The following CYREN variants were observed in gnomAD, a reference collection of about 807,000 sequenced individuals.
The protein encoded by CYREN is cell cycle regulator of non-homologous end joining.
CYREN carries 7 observed loss-of-function variants against 9.7 expected under a neutral mutation model. That is an observed-to-expected ratio of 0.72 (90% CI 0.41 to 1.36). The LOEUF is 1.36. Ranked by LOEUF, CYREN falls within the 40% of genes most tolerant of loss-of-function variation. The probability of loss-of-function intolerance (pLI) is 0.01; values close to 1 mark genes in which losing one functional copy is unlikely to be tolerated. For missense variants in CYREN, 215 were observed against 198.1 expected, an observed-to-expected ratio of 1.09 and a Z score of -0.51; for synonymous variants, 76 against 77.9, an observed-to-expected ratio of 0.98 and a Z score of 0.13.
At chr7:135,167,250 C>G (rs1830228653) in intron 3 of CYREN, 1 of 1,087,268 alleles carries the variant, frequency 9.2e-7, no homozygotes, top group African/African-American at 1.6e-5. Context: ...TATTGCAAGG[C>G]TAAAATGACA....
At chr7:135,150,035 T>G (rs1489708579) in intron 2 of CYREN, among the ~76,000 whole-genome samples, 1 of 152,200 alleles carries the variant, frequency 6.6e-6, no homozygotes, top group African/African-American at 2.4e-5. Flanking sequence ...TGCTCTTAAG[T>G]TCCAAATTTT....
intron 2 of CYREN, among the ~76,000 whole-genome samples, chr7:135,099,059 C>A (rs966881422): frequency 6.6e-6 from 1 of 152,088 alleles, no homozygotes; most frequent in Non-Finnish European, 1.5e-5. Flanking sequence ...CTGTATGTAA[C>A]AGCAAAGTAA....
intron 2 of CYREN, among the ~76,000 whole-genome samples, chr7:135,126,291 G>A (rs933262314): frequency 2.0e-5 from 3 of 152,014 alleles, no homozygotes; most frequent in South Asian, 2.1e-4. Context: ...TCCCATTCAC[G>A]ATTGCTACAA....
chr7:135,166,845 C>T lies in CYREN; in HGVS notation c.240G>A (p.Glu80=), dbSNP rs143472003. The change falls in exon 4 of 4, where the codon GAG becomes GAA. Residue 80 remains glutamate (E), a synonymous_variant. Coordinates refer to ENST00000393114, the MANE Select transcript of CYREN (RefSeq NM_024033.4). ...IESRKQEKAC[E]QPALAGADNP... is the part of the protein sequence containing the mutation. ...TATCAGCCCCCGCCAGGGCCGGCTG[C>T]TCGCAGGCCTTTTCCTGTTTGCGGC... 6.2e-7 allele frequency: 1 copy of T among 1,614,002 alleles called. No homozygotes were observed. The highest frequency in any genetic ancestry group is 8.5e-7 in the Non-Finnish European group (1 of 1,179,874).
chr7:135,166,789 G>A lies in CYREN; in HGVS notation c.296C>T (p.Ser99Leu), dbSNP rs139566611. 206 of 1,614,022 alleles carry A rather than the reference G, an allele frequency of 1.3e-4. No homozygotes were observed. The highest frequency in any genetic ancestry group is 1.5e-4 in the Admixed American group (9 of 60,006). ...NPEHSPPCSV[S>L]PHTSSGSSSE... ...GCTGCTCCCAGAACTTGTGTGAGGCGACACGGAGCAGGGAGGGGAGTGCTC... is the reference window on the plus strand; with the variant it reads ...GCTGCTCCCAGAACTTGTGTGAGGCAACACGGAGCAGGGAGGGGAGTGCTC... Residue 99 changes from serine to leucine, a missense_variant, in exon 4 of 4, where the codon TCG becomes TTG. Transcript: ENST00000393114.
chr7:135,105,737 C>A (rs1671824891), intron 2 of CYREN, among the ~76,000 whole-genome samples: 1 of 152,034 alleles, frequency 6.6e-6, no homozygotes, highest in South Asian at 2.1e-4. Context: ...TGTTTGTTTC[C>A]ATATGATTTT....
At chr7:135,154,985 G>A (rs1161301912) in intron 2 of CYREN, among the ~76,000 whole-genome samples, 1 of 152,098 alleles carries the variant, frequency 6.6e-6, no homozygotes, top group African/African-American at 2.4e-5. Flanking sequence ...TCTTTCTTTA[G>A]TGATATTTGT....
intron 2 of CYREN, among the ~76,000 whole-genome samples, chr7:135,159,183 C>T (rs1829867432): frequency 6.6e-6 from 1 of 152,234 alleles, no homozygotes; most frequent in Non-Finnish European, 1.5e-5. Flanking sequence ...TCTGGTTTAT[C>T]CTAGCATTCT....
At chr7:135,142,667 C>T (rs1357174109) in intron 2 of CYREN, among the ~76,000 whole-genome samples, 1 of 152,072 alleles carries the variant, frequency 6.6e-6, no homozygotes, top group Non-Finnish European at 1.5e-5. Flanking sequence ...TCAATTGCCT[C>T]CTTATATGCC....
At chr7:135,096,701 AAAAG>A (rs1319118511) in intron 2 of CYREN, among the ~76,000 whole-genome samples, 1 of 150,640 alleles carries the variant, frequency 6.6e-6, no homozygotes, top group East Asian at 2.0e-4. Context: ...CCAAAAAAGA[AAAAG>A]AGGGAAGAAA....
chr7:135,099,152 C>A (rs1397988334), intron 2 of CYREN, among the ~76,000 whole-genome samples: 5 of 149,018 alleles, frequency 3.4e-5, no homozygotes, highest in African/African-American at 1.2e-4. Context: ...ATATGTTAGA[C>A]TATTTTTTGG....
At chr7:135,101,797 T>C (rs1272538524) in intron 2 of CYREN, among the ~76,000 whole-genome samples, 3 of 152,210 alleles carry the variant, frequency 2.0e-5, no homozygotes, top group Non-Finnish European at 2.9e-5. Flanking sequence ...GGTTTGCCTG[T>C]GTCCCCACCC....
At chr7:135,142,096 T>A (rs555862694) in intron 2 of CYREN, among the ~76,000 whole-genome samples, 1 of 152,218 alleles carries the variant, frequency 6.6e-6, no homozygotes, top group African/African-American at 2.4e-5. Flanking sequence ...TTCCAGAATA[T>A]CTTTGTTAGT....
In CYREN at chr7:135,151,331, A is replaced by C. The variant is rs1829661137; in HGVS notation, n.356+17418T>G. On this transcript the variant is annotated intron_variant and non_coding_transcript_variant, in intron 2 of 2. Transcript: ENST00000459937. The surrounding 1 kb of genome is among the most constrained non-coding windows in gnomAD (Gnocchi z 4.3). ...ATGTTTCTACCAAAGGAAATATGAC[A>C]CATTTCCCTTTCTTCTTCCCTTTTT... is the stretch of plus-strand genomic sequence containing the variant. Among the ~76,000 whole-genome samples the C allele has an allele frequency of 6.6e-6, 1 of 152,184 alleles. No individual in the cohort carries two copies. The highest frequency in any genetic ancestry group is 1.9e-4 in the East Asian group (1 of 5,198).
chr7:135,144,938 T>TAA (rs58443282), intron 2 of CYREN, among the ~76,000 whole-genome samples: 63 of 45,622 alleles, frequency 1.4e-3, no homozygotes, highest in East Asian at 2.3e-3. Flanking sequence ...CTCAAAAGAG[T>TAA]AAAAAAAAAA....
intron 2 of CYREN, among the ~76,000 whole-genome samples, chr7:135,127,493 C>T (rs1488058653): frequency 6.6e-6 from 1 of 151,442 alleles, no homozygotes; most frequent in Non-Finnish European, 1.5e-5. Context: ...GCGGAGGTTG[C>T]AGTGAGCCAA....
At chr7:135,114,536 G>A (rs901981053) in intron 2 of CYREN, among the ~76,000 whole-genome samples, 1 of 151,910 alleles carries the variant, frequency 6.6e-6, no homozygotes, top group Non-Finnish European at 1.5e-5. Context: ...TCCTTATACT[G>A]CCATTTCCTC....
intron 2 of CYREN, among the ~76,000 whole-genome samples, chr7:135,098,151 G>T (rs1249031417): frequency 2.6e-5 from 4 of 152,074 alleles, no homozygotes; most frequent in Non-Finnish European, 5.9e-5. Flanking sequence ...TTGAAAAGCT[G>T]GAAACCAATT....
chr7:135,125,113 CTGT>C (rs1827685906), intron 2 of CYREN, among the ~76,000 whole-genome samples: 1 of 151,934 alleles, frequency 6.6e-6, no homozygotes, highest in Non-Finnish European at 1.5e-5. Flanking sequence ...ACTCCAGCAG[CTGT>C]TTTTTTAAAA....
Sources: gnomAD v4.1 joint callset for allele counts (sites outside exome capture counted in the v4.1 genomes callset) on GRCh38, gnomAD v4.1.1 for gene constraint, Gnocchi (gnomAD v3.1) non-coding constraint, MANE v1.5 for transcripts, NCBI Gene and HGNC (gene_info 2026-07-23, HGNC 2026-07-21) for gene names.